SYNRG: variants seen among roughly 807,000 people sequenced by gnomAD.
SYNRG encodes AP1 gamma subunit binding protein 1.
SYNRG carries 37 observed loss-of-function variants against 130.9 expected under a neutral mutation model. That is an observed-to-expected ratio of 0.28 (90% CI 0.22 to 0.37). The LOEUF is 0.37. Among genes scored for constraint, SYNRG ranks in the 10% least tolerant of loss-of-function variants. The pLI is 1.00. For synonymous variants in SYNRG, 539 were observed against 568.1 expected (o/e 0.95, Z 0.73); for missense variants, 1,338 against 1,588.9 (o/e 0.84, Z 2.68).
chr17:37,577,675 T>C (rs528940896), intron 6 of SYNRG, 62 bp from the exon 7 acceptor site: 1 of 1,075,116 alleles, frequency 9.3e-7, no homozygotes. Flanking sequence ...TTTTTAACCA[T>C]CCATCTCCAC....
In SYNRG at chr17:37,540,431, G is replaced by A. The variant is rs370977943; in HGVS notation, c.3315C>T (p.Pro1105=). Residue 1105 remains proline (P), a synonymous_variant, in exon 16 of 22, where the codon CCC becomes CCT. Coordinates refer to ENST00000612223, the MANE Select transcript of SYNRG (RefSeq NM_007247.6). ...ACTTGTCTCGGATGACGGGCAGGGCGGGCTTCTCATTCAGAGTATTGGAAC... is the reference window on the plus strand; with the variant it reads ...ACTTGTCTCGGATGACGGGCAGGGCAGGCTTCTCATTCAGAGTATTGGAAC... ...RDRSNTLNEK[P]ALPVIRDKYK... 105 of 1,613,790 alleles carry A rather than the reference G, an allele frequency of 6.5e-5. No individual in the cohort carries two copies. The highest frequency in any genetic ancestry group is 4.9e-4 in the African/African-American group (37 of 74,938).
intron 8 of SYNRG, among the ~76,000 whole-genome samples, chr17:37,574,989 C>G (rs2060702139): frequency 6.6e-6 from 1 of 152,126 alleles, no homozygotes; most frequent in Non-Finnish European, 1.5e-5. Flanking sequence ...GAGATCCTGT[C>G]ATTTCCAACA....
At chr17:37,568,634 T>C (rs1203298801) in intron 11 of SYNRG, 157 bp downstream of exon 11, 3 of 748,410 alleles carry the variant, frequency 4.0e-6, no homozygotes, top group Non-Finnish European at 6.0e-6. Context: ...GGGAGAGAAG[T>C]TTGAAAAGTA....
intron 13 of SYNRG, among the ~76,000 whole-genome samples, chr17:37,555,293 A>G (rs1568372466): frequency 6.6e-6 from 1 of 152,000 alleles, no homozygotes; most frequent in Non-Finnish European, 1.5e-5. Flanking sequence ...CGCCCGGCTA[A>G]TTTTTGTATT....
chr17:37,525,114 C>T (rs1431821219), intron 19 of SYNRG, among the ~76,000 whole-genome samples: 2 of 152,148 alleles, frequency 1.3e-5, no homozygotes, highest in Non-Finnish European at 2.9e-5. Flanking sequence ...CATGTATAAA[C>T]AGGGTGTTTA....
intron 19 of SYNRG, among the ~76,000 whole-genome samples, chr17:37,535,276 T>C (rs962814099): frequency 7.3e-5 from 11 of 151,422 alleles, no homozygotes; most frequent in African/African-American, 2.4e-4. Flanking sequence ...AAAAAAAAAA[T>C]GTAAAAAATA....
chr17:37,519,849 G>C (rs1444039225), intron 21 of SYNRG, among the ~76,000 whole-genome samples: 4 of 152,176 alleles, frequency 2.6e-5, no homozygotes, highest in African/African-American at 9.7e-5. Flanking sequence ...TGGCTAAATG[G>C]CTACATCCTG....
At position 37,542,354 on chromosome 17, in the gene SYNRG, G is replaced by A; in HGVS notation, c.2820C>T (p.Thr940=). ...TCGTTACTTTGGAGAGAGATGTCATGGTGATGTTTTCAGAACTGCCAAATG... is the reference window on the plus strand; with the variant it reads ...TCGTTACTTTGGAGAGAGATGTCATAGTGATGTTTTCAGAACTGCCAAATG... ...ETSFGSSENI[T]MTSLSKVTTF... Residue 940 remains threonine (T), a synonymous_variant, in exon 15 of 22, where the codon ACC becomes ACT. Coordinates refer to ENST00000612223, the MANE Select transcript of SYNRG (RefSeq NM_007247.6). 1 of 1,614,178 alleles carries A rather than the reference G, an allele frequency of 6.2e-7. No individual in the cohort carries two copies.
intron 3 of SYNRG, among the ~76,000 whole-genome samples, chr17:37,590,109 T>C (rs1263712027): frequency 6.7e-6 from 1 of 148,592 alleles, no homozygotes; most frequent in Non-Finnish European, 1.5e-5. Context: ...AGGCGGCAGC[T>C]GCAGTGAGCT....
chr17:37,606,112 C>T (rs1032760261), intron 1 of SYNRG: 8 of 657,764 alleles, frequency 1.2e-5, no homozygotes, highest in African/African-American at 1.2e-4. Flanking sequence ...AAGGCCCTCT[C>T]TAGTTTGGGC....
rs141237597 is a variant in SYNRG at position 37,604,274 on chromosome 17, C to T, written c.78-3871G>A. On this transcript the variant is annotated intron_variant, in intron 1 of 21. Coordinates refer to ENST00000612223, the MANE Select transcript of SYNRG (RefSeq NM_007247.6). ...AAAAAAAAGAAAATCTATTGTTTAG[C>T]GTAGCCACCTTCATCAATGATCTTA... Among the ~76,000 whole-genome samples the T allele has an allele frequency of 9.0e-3, 1,364 of 151,740 alleles. 21 individuals carry two copies. Among genetic ancestry groups the T allele is most frequent in the African/African-American group, 0.031 (1,293 of 41,402 alleles).
At chr17:37,547,178 C>CT (rs1202449423) in intron 14 of SYNRG, among the ~76,000 whole-genome samples, 1 of 152,158 alleles carries the variant, frequency 6.6e-6, no homozygotes, top group East Asian at 1.9e-4. Context: ...TATATCCACA[C>CT]TATCTAGAAG....
At chr17:37,573,044 T>C (rs1157911360) in intron 8 of SYNRG, among the ~76,000 whole-genome samples, 1 of 152,158 alleles carries the variant, frequency 6.6e-6, no homozygotes, top group East Asian at 1.9e-4. Flanking sequence ...GAGAAACTGT[T>C]TAAAACAAAA....
intron 14 of SYNRG, among the ~76,000 whole-genome samples, chr17:37,552,012 C>A (rs2145314981): frequency 6.6e-6 from 1 of 152,284 alleles, no homozygotes; most frequent in Middle Eastern, 3.4e-3. Context: ...CCTGATTCAG[C>A]AGCCTGTTTA....
intron 19 of SYNRG, among the ~76,000 whole-genome samples, chr17:37,527,011 G>C (rs1228881982): frequency 6.6e-6 from 1 of 152,188 alleles, no homozygotes; most frequent in Non-Finnish European, 1.5e-5. Flanking sequence ...AGACTGGCAA[G>C]ATGACAAAAA....
chr17:37,541,937 C>T (rs781212852), intron 15 of SYNRG, 35 bp downstream of exon 15: 1 of 1,573,034 alleles, frequency 6.4e-7, no homozygotes, highest in South Asian at 1.1e-5. Flanking sequence ...TGGAAAAAAA[C>T]CACAATAGTA....
chr17:37,530,458 G>A (rs546117551), intron 19 of SYNRG, among the ~76,000 whole-genome samples: 19 of 152,240 alleles, frequency 1.2e-4, no homozygotes, highest in Admixed American at 7.8e-4. Context: ...AGGCACCCTC[G>A]GCACATATCA....
At chr17:37,605,744 C>T (rs573813777) in intron 1 of SYNRG, 37 of 937,726 alleles carry the variant, frequency 3.9e-5, no homozygotes, top group East Asian at 2.3e-4. Context: ...AGGTGACCAA[C>T]AATTTAATTT....
At chr17:37,559,514 ACC>A (rs1658870307) in intron 13 of SYNRG, among the ~76,000 whole-genome samples, 1 of 152,180 alleles carries the variant, frequency 6.6e-6, no homozygotes, top group Non-Finnish European at 1.5e-5. Context: ...ACATGGTGAA[ACC>A]CCGTTTCTAC....
Sources: allele counts gnomAD v4.1 joint callset (sites outside exome capture counted in the v4.1 genomes callset), GRCh38; gene constraint gnomAD v4.1.1; transcripts MANE v1.5; gene names NCBI Gene and HGNC (gene_info 2026-07-23, HGNC 2026-07-21).